The following ROBO1 variants were observed in gnomAD, a reference collection of about 807,000 sequenced individuals.
ROBO1 encodes the protein roundabout guidance receptor 1.
ROBO1 carries 149 observed loss-of-function variants against 195.9 expected under a neutral mutation model. That is an observed-to-expected ratio of 0.76 (90% CI 0.67 to 0.87). The LOEUF (loss-of-function observed/expected upper bound fraction) is 0.87, where lower values mean the gene tolerates loss of function less well. ROBO1 is among the 40% of genes least tolerant of loss of function. The probability of loss-of-function intolerance (pLI) is 0.00; values close to 1 mark genes in which losing one functional copy is unlikely to be tolerated. For synonymous variants in ROBO1, 816 were observed against 733.2 expected (o/e 1.11, Z -1.82); for missense variants, 1,933 against 2,068.3 (o/e 0.93, Z 1.27).
intron 8 of ROBO1, among the ~76,000 whole-genome samples, chr3:78,699,635 TG>T (rs2081377468): frequency 6.6e-6 from 1 of 151,540 alleles, no homozygotes; most frequent in Non-Finnish European, 1.5e-5. Context: ...TTTTACGTTT[TG>T]TTTTTTGCTT....
At chr3:79,651,559 T>C (rs780555943) in intron 1 of ROBO1, among the ~76,000 whole-genome samples, 19 of 152,154 alleles carry the variant, frequency 1.2e-4, no homozygotes, top group Admixed American at 5.2e-4. Flanking sequence ...TAAAGTCAAC[T>C]GATTTATTTG....
chr3:78,979,784 C>T (rs972995657), intron 3 of ROBO1, among the ~76,000 whole-genome samples: 1 of 151,676 alleles, frequency 6.6e-6, no homozygotes, highest in East Asian at 1.9e-4. Flanking sequence ...TGAGAGAAGA[C>T]AGGATGCGGG....
chr3:79,656,044 G>A (rs557905584), intron 1 of ROBO1, among the ~76,000 whole-genome samples: 3 of 152,046 alleles, frequency 2.0e-5, no homozygotes, highest in Non-Finnish European at 4.4e-5. Context: ...CAAGAACACT[G>A]TCCAACCATG....
At chr3:78,942,568 C>G (rs767378181) in intron 3 of ROBO1, among the ~76,000 whole-genome samples, 3 of 152,012 alleles carry the variant, frequency 2.0e-5, no homozygotes, top group Non-Finnish European at 2.9e-5. Flanking sequence ...GGAAGAAGGG[C>G]AAGGAGATAA....
chr3:79,078,688 A>G (rs1479085148), intron 3 of ROBO1, among the ~76,000 whole-genome samples: 1 of 151,748 alleles, frequency 6.6e-6, no homozygotes, highest in Non-Finnish European at 1.5e-5. Flanking sequence ...ATAACAGCAC[A>G]CACTTTTAGA....
At chr3:78,778,025 T>A (rs554152849) in intron 4 of ROBO1, among the ~76,000 whole-genome samples, 2 of 152,312 alleles carry the variant, frequency 1.3e-5, no homozygotes, top group African/African-American at 4.8e-5. Context: ...ACCTATTTTA[T>A]TGAGAGTTTT....
chr3:78,720,107 A>G (rs1201757384), intron 5 of ROBO1, among the ~76,000 whole-genome samples: 2 of 152,152 alleles, frequency 1.3e-5, no homozygotes, highest in African/African-American at 4.8e-5. Flanking sequence ...TGCGCATTGT[A>G]AAAATATGTT....
chr3:79,375,631 TC>T (rs1465907814), intron 2 of ROBO1, among the ~76,000 whole-genome samples: 1 of 152,176 alleles, frequency 6.6e-6, no homozygotes, highest in African/African-American at 2.4e-5. Flanking sequence ...GAAAGAAGTT[TC>T]CAAGGGGACC....
At chr3:78,761,567 G>A (rs2083106205) in intron 4 of ROBO1, among the ~76,000 whole-genome samples, 1 of 151,966 alleles carries the variant, frequency 6.6e-6, no homozygotes, top group African/African-American at 2.4e-5. Flanking sequence ...ATTCAAATAG[G>A]TGATAAATTT....
intron 2 of ROBO1, among the ~76,000 whole-genome samples, chr3:79,302,807 A>T (rs1019570227): frequency 2.2e-4 from 34 of 151,374 alleles, no homozygotes; most frequent in African/African-American, 6.3e-4. Flanking sequence ...ACATCATATT[A>T]AAAAAAAAGA....
chr3:79,692,060 G>A (rs9859976), intron 1 of ROBO1, among the ~76,000 whole-genome samples: 45,476 of 151,706 alleles, frequency 0.3, 8,123 homozygotes, highest in African/African-American at 0.51. Context: ...TGGTAGACAG[G>A]ACTATAAAGC....
At chr3:79,221,553 G>C (rs1320940009) in intron 2 of ROBO1, among the ~76,000 whole-genome samples, 2 of 151,932 alleles carry the variant, frequency 1.3e-5, no homozygotes. Flanking sequence ...CTACCTCAAG[G>C]CTTAATATCT....
At chr3:79,551,591 G>C (rs1942513901) in intron 2 of ROBO1, among the ~76,000 whole-genome samples, 1 of 151,878 alleles carries the variant, frequency 6.6e-6, no homozygotes, top group African/African-American at 2.4e-5. Context: ...TGGGGGCTGT[G>C]AATGGGAAGA....
chr3:78,717,386 C>T lies in ROBO1; in HGVS notation c.806G>A (p.Ser269Asn), dbSNP rs755627626. Residue 269 changes from serine (S) to asparagine (N), a missense_variant, in exon 7 of 31, where the codon AGT becomes AAT. Coordinates refer to ENST00000464233, the MANE Select transcript of ROBO1 (RefSeq NM_002941.4). ...LERPSFVKRP[S>N]NLAVTVDDSA... The stretch of plus-strand genomic sequence containing the variant: ...GTCATCCACAGTTACTGCCAAGTTA[C>T]TGGGTCTCTTCACAAATGATGGTCT... The T allele has an allele frequency of 2.5e-6, 4 of 1,613,608 alleles. No homozygotes were observed. The African/African-American group carries it at 5.3e-5, about 22-fold the overall frequency.
At chr3:79,013,599 C>T (rs1000618325) in intron 3 of ROBO1, among the ~76,000 whole-genome samples, 3 of 152,090 alleles carry the variant, frequency 2.0e-5, no homozygotes, top group Non-Finnish European at 4.4e-5. Context: ...TATTTAAATT[C>T]TTCATTTCTC....
At chr3:78,674,738 T>C (rs1708291309) in intron 10 of ROBO1, among the ~76,000 whole-genome samples, 1 of 152,314 alleles carries the variant, frequency 6.6e-6, no homozygotes, top group East Asian at 1.9e-4. Context: ...TAACGTCATG[T>C]CAGTTGGCAC....
chr3:79,457,858 T>C (rs2039673222), intron 2 of ROBO1, among the ~76,000 whole-genome samples: 3 of 152,122 alleles, frequency 2.0e-5, no homozygotes, highest in South Asian at 2.1e-4. Flanking sequence ...TATTTCTTCA[T>C]AGCAATATGA....
chr3:78,858,986 ACCT>A (rs1265791713), intron 4 of ROBO1, among the ~76,000 whole-genome samples: 1 of 151,902 alleles, frequency 6.6e-6, no homozygotes, highest in Non-Finnish European at 1.5e-5. Context: ...TTGATCTCAA[ACCT>A]CCTTTTTTCT....
At chr3:79,000,841 A>G (rs921504837) in intron 3 of ROBO1, among the ~76,000 whole-genome samples, 1 of 152,192 alleles carries the variant, frequency 6.6e-6, no homozygotes, top group Non-Finnish European at 1.5e-5. Flanking sequence ...CTGCAGCACT[A>G]TTTACAATAG....
Sources: gnomAD v4.1 joint callset for allele counts (sites outside exome capture counted in the v4.1 genomes callset) on GRCh38, gnomAD v4.1.1 for gene constraint, MANE v1.5 for transcripts, NCBI Gene and HGNC (gene_info 2026-07-23, HGNC 2026-07-21) for gene names.